NFKB1: variants seen among roughly 807,000 people sequenced by gnomAD.
The protein encoded by NFKB1 is nuclear factor NF-kappa-B p105 subunit.
Under a neutral mutation model 105.1 loss-of-function variants are expected in NFKB1, and 9 were observed. That is an observed-to-expected ratio of 0.09 (90% CI 0.05 to 0.15). The LOEUF (loss-of-function observed/expected upper bound fraction) is 0.15. Among genes scored for constraint, NFKB1 ranks in the 10% least tolerant of loss-of-function variants. The pLI, the probability that NFKB1 is intolerant of heterozygous loss-of-function variation, is 1.00. For missense variants in NFKB1, 830 were observed against 1,203.7 expected (o/e 0.69, Z 4.59); for synonymous variants, 440 against 442.2 (o/e 1.00, Z 0.06).
intron 8 of NFKB1, 98 bp from the exon 9 acceptor site, chr4:102,580,436 GT>G: frequency 1.2e-6 from 1 of 864,056 alleles, no homozygotes; most frequent in Non-Finnish European, 1.9e-6. Flanking sequence ...TTTAAGCTTT[GT>G]TTTGGTCATG....
At chr4:102,539,230 C>CT (rs1741839254) in intron 5 of NFKB1, among the ~76,000 whole-genome samples, 1 of 99,772 alleles carries the variant, frequency 1.0e-5, no homozygotes, top group Admixed American at 1.2e-4. Context: ...GAGCGAGACT[C>CT]TGTCTCAAAA....
chr4:102,614,722 C>T (rs949571971), intron 23 of NFKB1, among the ~76,000 whole-genome samples: 35 of 152,074 alleles, frequency 2.3e-4, no homozygotes, highest in African/African-American at 8.5e-4. Context: ...CGCCTACCTT[C>T]AACTTCAGAC....
chr4:102,558,158 G>T (rs1387044494), intron 5 of NFKB1, among the ~76,000 whole-genome samples: 1 of 151,052 alleles, frequency 6.6e-6, no homozygotes, highest in Non-Finnish European at 1.5e-5. Flanking sequence ...CCTAATATCT[G>T]TTAGTTCTTT....
intron 11 of NFKB1, among the ~76,000 whole-genome samples, chr4:102,585,919 G>A (rs146092507): frequency 7.2e-5 from 11 of 152,210 alleles, no homozygotes; most frequent in South Asian, 2.1e-4. Context: ...CTGAGCGCTC[G>A]GATGGACATG....
chr4:102,503,331 C>G (rs907342839), intron 1 of NFKB1: 1 of 151,728 alleles, frequency 6.6e-6, no homozygotes, highest in African/African-American at 2.4e-5. Flanking sequence ...AAATGCCCTC[C>G]CCTGCTTGTT....
At position 102,593,514 on chromosome 4, in the gene NFKB1, G is replaced by A. The variant is rs756958327; in HGVS notation, c.1156G>A (p.Gly386Arg). The A allele has an allele frequency of 4.3e-5, 70 of 1,613,316 alleles. No homozygotes were observed. The highest frequency in any genetic ancestry group is 1.6e-4 in the Middle Eastern group (1 of 6,078). ...TGGTAGTGGTGCTGGAGCTGGAGGC[G>A]GAGGCATGTTTGGTAGTGGCGGTGG... is the stretch of plus-strand genomic sequence containing the variant. ...GGGSGAGAGG[G>R]GMFGSGGGGG... is the part of the protein sequence containing the mutation. The change falls in exon 12 of 24, where the codon GGA (glycine) becomes AGA (arginine). Residue 386 changes from glycine (G) to arginine (R), a missense_variant. Gly to Arg is a moderately radical substitution (Grantham distance 125). Around this residue, in one of 8 missense-constraint regions of NFKB1, gnomAD observed 163 missense variants for 164.3 expected, o/e 0.99. Transcript: ENST00000226574.
At chr4:102,535,660 A>G (rs1741588645) in intron 4 of NFKB1, among the ~76,000 whole-genome samples, 1 of 152,134 alleles carries the variant, frequency 6.6e-6, no homozygotes, top group African/African-American at 2.4e-5. Context: ...GCATCCAGAC[A>G]ATGCATTTGA....
intron 5 of NFKB1, among the ~76,000 whole-genome samples, chr4:102,553,216 T>TCTA (rs2149146547): frequency 6.6e-6 from 1 of 152,298 alleles, no homozygotes; most frequent in East Asian, 1.9e-4. Flanking sequence ...GAATGATGTC[T>TCTA]CTAAGTATTT....
chr4:102,537,317 G>C (rs142734036), intron 4 of NFKB1, among the ~76,000 whole-genome samples: 21 of 152,284 alleles, frequency 1.4e-4, no homozygotes, highest in Non-Finnish European at 2.9e-4. Context: ...CCTCTGAAAT[G>C]CTGAGAGAAG....
At chr4:102,508,018 T>C (rs1739541872) in intron 1 of NFKB1, among the ~76,000 whole-genome samples, 1 of 152,234 alleles carries the variant, frequency 6.6e-6, no homozygotes, top group South Asian at 2.1e-4. Flanking sequence ...AGAAAATATG[T>C]CTTCCATGAC....
At chr4:102,585,680 C>T (rs1176892281) in intron 11 of NFKB1, among the ~76,000 whole-genome samples, 2 of 152,110 alleles carry the variant, frequency 1.3e-5, no homozygotes, top group South Asian at 2.1e-4. Context: ...GTGAAGCATC[C>T]ATAAAAATAT....
chr4:102,591,827 T>G (rs552665671), intron 11 of NFKB1, among the ~76,000 whole-genome samples: 1 of 152,354 alleles, frequency 6.6e-6, no homozygotes, highest in African/African-American at 2.4e-5. Context: ...AAATACATTC[T>G]GTAAGGCTGT....
intron 5 of NFKB1, among the ~76,000 whole-genome samples, chr4:102,566,076 T>A (rs1223379984): frequency 6.6e-6 from 1 of 152,154 alleles, no homozygotes; most frequent in African/African-American, 2.4e-5. Context: ...GTTATGTTAG[T>A]GTGACTTTAG....
In NFKB1 at chr4:102,606,617, A is replaced by G. The variant is rs767408358; in HGVS notation, c.1874A>G (p.Lys625Arg). The change falls in exon 17 of 24, where the codon AAA becomes AGA. Residue 625 changes from lysine (K) to arginine (R), a missense_variant. By Grantham distance (26) the Lys-to-Arg change is conservative. Around this residue, in one of 8 missense-constraint regions of NFKB1, gnomAD observed 418 missense variants for 575.3 expected, o/e 0.73. Coordinates refer to ENST00000226574, the MANE Select transcript of NFKB1 (RefSeq NM_003998.4). Reference protein sequence around the residue: ...LGNSVLHLAAKEGHDKVLSIL... With the variant: ...LGNSVLHLAAREGHDKVLSIL... ...AACTCTGTTTTGCACCTAGCTGCCA[A>G]AGAAGGACATGATAAAGTTCTCAGT... 6.2e-7 allele frequency: 1 copy of G among 1,614,180 alleles called. No individual in the cohort carries two copies. Among genetic ancestry groups the G allele is most frequent in the Non-Finnish European group, 8.5e-7 (1 of 1,180,026 alleles).
At chr4:102,564,595 A>G (rs1723707292) in intron 5 of NFKB1, among the ~76,000 whole-genome samples, 1 of 152,206 alleles carries the variant, frequency 6.6e-6, no homozygotes, top group Non-Finnish European at 1.5e-5. Flanking sequence ...GGAATTACCC[A>G]GTTCCTCATT....
intron 10 of NFKB1, 102 bp downstream of exon 10, chr4:102,583,059 A>G (rs1725439758): frequency 5.6e-6 from 4 of 717,670 alleles, no homozygotes; most frequent in Non-Finnish European, 6.8e-6. Context: ...AGCTCACTGT[A>G]TCCCCCAACT....
At chr4:102,528,796 A>T (rs932107470) in intron 2 of NFKB1, among the ~76,000 whole-genome samples, 1 of 152,224 alleles carries the variant, frequency 6.6e-6, no homozygotes, top group Non-Finnish European at 1.5e-5. Flanking sequence ...AATATTCTGC[A>T]TGCCCACTCT....
chr4:102,529,735 AG>A, intron 2 of NFKB1, 100 bp from the exon 3 acceptor site: 1 of 834,496 alleles, frequency 1.2e-6, no homozygotes, highest in Non-Finnish European at 1.9e-6. Flanking sequence ...TTTTGGCTTT[AG>A]TTTCATTCCT....
intron 2 of NFKB1, among the ~76,000 whole-genome samples, chr4:102,526,884 TA>T (rs1740949261): frequency 6.6e-6 from 1 of 152,098 alleles, no homozygotes; most frequent in Non-Finnish European, 1.5e-5. Context: ...CATTGGTTCT[TA>T]AAACCGACAT....
Sources: gnomAD v4.1 joint callset for allele counts (sites outside exome capture counted in the v4.1 genomes callset) on GRCh38, gnomAD v4.1.1 for gene constraint, gnomAD v4.1.1 regional missense constraint, MANE v1.5 for transcripts, NCBI Gene and HGNC (gene_info 2026-07-23, HGNC 2026-07-21) for gene names.